Variants in INPP5B observed in about 807,000 individuals in gnomAD.
INPP5B encodes the protein type II inositol 1,4,5-trisphosphate 5-phosphatase.
INPP5B carries 90 observed loss-of-function variants against 118.5 expected under a neutral mutation model. That is an observed-to-expected ratio of 0.76 (90% CI 0.64 to 0.90). The LOEUF (loss-of-function observed/expected upper bound fraction) is 0.90. Ranked by LOEUF, INPP5B falls within the 40% of genes least tolerant of loss-of-function variation. INPP5B has a pLI of 0.00. For missense variants in INPP5B, 984 were observed against 1,125.6 expected, an observed-to-expected ratio of 0.87 and a Z score of 1.80; for synonymous variants, 385 against 418.9, an observed-to-expected ratio of 0.92 and a Z score of 0.99.
chr1:37,874,153 G>A lies in INPP5B; in HGVS notation c.1791C>T (p.Phe597=). Residue 597 remains phenylalanine (F), a splice_region_variant and synonymous_variant, in exon 18 of 24, where the codon TTC becomes TTT. Coordinates refer to ENST00000373024, the MANE Select transcript of INPP5B (RefSeq NM_005540.3). ...GCATGTACTTCACATTCTGAAAACAGAACTGGGAAGAAGCCCGGGGCCAGT... is the reference window on the plus strand; with the variant it reads ...GCATGTACTTCACATTCTGAAAACAAAACTGGGAAGAAGCCCGGGGCCAGT... ...IPSVSLSKRE[F]CFQNVKYMQL... 1.3e-6 allele frequency: 2 copies of A among 1,559,494 alleles called. No homozygotes were observed. Among genetic ancestry groups the A allele is most frequent in the Non-Finnish European group, 1.8e-6 (2 of 1,139,958 alleles).
intron 5 of INPP5B, among the ~76,000 whole-genome samples, chr1:37,943,114 C>A (rs916438478): frequency 5.3e-5 from 8 of 151,928 alleles, no homozygotes; most frequent in African/African-American, 1.9e-4. Context: ...AATTCTCCTG[C>A]CTCAGCCTCT....
Position 37,874,053 on chromosome 1 carries a change from C to G in INPP5B, c.1891G>C (p.Glu631Gln), listed in dbSNP as rs1447972146. 6.2e-7 allele frequency: 1 copy of G among 1,607,756 alleles called. No homozygotes were observed. Among genetic ancestry groups the G allele is most frequent in the Non-Finnish European group, 8.5e-7 (1 of 1,175,276 alleles). The change falls in exon 18 of 24, where the codon GAA becomes CAA. Residue 631 changes from glutamate to glutamine, a missense_variant. Transcript: ENST00000373024. ...CHFEFINKPDEESYCKQWLNA... is the reference protein window; with the variant it reads ...CHFEFINKPDQESYCKQWLNA... ...AGCCACTGCTTACAGTAAGACTCTT[C>G]ATCAGGCTTGTTGATGAATTCAAAA...
intron 9 of INPP5B, among the ~76,000 whole-genome samples, chr1:37,888,636 G>A (rs1454215072): frequency 6.6e-6 from 1 of 152,038 alleles, no homozygotes; most frequent in Admixed American, 6.6e-5. Flanking sequence ...TATTTGCCTT[G>A]TATATACTAC....
chr1:37,880,245 T>C (rs1233848321), intron 14 of INPP5B, 51 bp from the exon 15 acceptor site: 2 of 1,328,180 alleles, frequency 1.5e-6, no homozygotes, highest in Non-Finnish European at 2.2e-6. Context: ...AAGGTCAAAC[T>C]TTGAATTAGT....
At chr1:37,912,344 C>T (rs1644727321) in intron 7 of INPP5B, among the ~76,000 whole-genome samples, 1 of 152,244 alleles carries the variant, frequency 6.6e-6, no homozygotes. Flanking sequence ...TCTCCTCTTC[C>T]TCCTGGAAGT....
chr1:37,941,101 C>T (rs1362653426), intron 5 of INPP5B, among the ~76,000 whole-genome samples: 1 of 152,004 alleles, frequency 6.6e-6, no homozygotes, highest in African/African-American at 2.4e-5. Context: ...CTGTTCCCCT[C>T]CCGATGAAAT....
intron 6 of INPP5B, among the ~76,000 whole-genome samples, chr1:37,937,890 C>T (rs1456753330): frequency 6.6e-6 from 1 of 151,532 alleles, no homozygotes; most frequent in Non-Finnish European, 1.5e-5. Context: ...ATCGCTTGAA[C>T]CCCAGAGGCG....
intron 7 of INPP5B, among the ~76,000 whole-genome samples, chr1:37,903,506 C>G (rs531254139): frequency 1.3e-5 from 2 of 152,318 alleles, no homozygotes; most frequent in African/African-American, 4.8e-5. Context: ...ACGGGTGGAT[C>G]ACCAGGTCAG....
chr1:37,937,085 G>A (rs1419462236), intron 6 of INPP5B, among the ~76,000 whole-genome samples: 1 of 151,908 alleles, frequency 6.6e-6, no homozygotes, highest in East Asian at 1.9e-4. Context: ...GGCCGAAGTG[G>A]GCAGATCACA....
chr1:37,889,416 G>A, intron 9 of INPP5B, 141 bp downstream of exon 9: 1 of 656,322 alleles, frequency 1.5e-6, no homozygotes, highest in Non-Finnish European at 2.6e-6. Context: ...AAGAATGCAT[G>A]GAATCACTCA....
intron 7 of INPP5B, among the ~76,000 whole-genome samples, chr1:37,912,775 T>C (rs1381117323): frequency 6.6e-6 from 1 of 152,074 alleles, no homozygotes; most frequent in Non-Finnish European, 1.5e-5. Flanking sequence ...TTATACTCAC[T>C]CTTATTCTCA....
intron 7 of INPP5B, among the ~76,000 whole-genome samples, chr1:37,902,088 C>T (rs913332386): frequency 2.6e-5 from 4 of 151,674 alleles, no homozygotes; most frequent in Admixed American, 6.6e-5. Context: ...TGAGTTGAAG[C>T]GATTCTCCTG....
chr1:37,874,188 T>C (rs779238887), intron 17 of INPP5B, 33 bp from the exon 18 acceptor site: 41 of 1,491,788 alleles, frequency 2.7e-5, no homozygotes, highest in Non-Finnish European at 3.7e-5. Context: ...TGAAAACCAG[T>C]GCCCTTTCCT....
At chr1:37,941,958 A>AAAAAAAAAATATATATATATATATAT (rs1427344681) in intron 5 of INPP5B, 1 of 30,384 alleles carries the variant, frequency 3.3e-5, no homozygotes, top group Non-Finnish European at 6.6e-5. Context: ...AAAAAAAAAA[A>AAAAAAAAAATATATATATATATATAT]ATATATATAT....
Position 37,878,225 on chromosome 1 carries a change from C to T in INPP5B, c.1640G>A (p.Ser547Asn), listed in dbSNP as rs749767113. 19 of 1,614,032 alleles carry T rather than the reference C, an allele frequency of 1.2e-5. No individual in the cohort carries two copies. Among genetic ancestry groups the T allele is most frequent in the Non-Finnish European group, 8.5e-7 (1 of 1,180,034 alleles). ...CACTGAGCTGACAGGCTTGTGGTCA[C>T]TGGTCTTCAGGGCCATGTGGCTCTG... ...SYQSHMALKT[S>N]DHKPVSSVFD... The change falls in exon 16 of 24, where the codon AGT (serine) becomes AAT (asparagine). Residue 547 changes from serine (S) to asparagine (N), a missense_variant. Physicochemically the swap from Ser to Asn is conservative, Grantham distance 46 (BLOSUM62 1). Around this residue, in one of 2 missense-constraint regions of INPP5B, gnomAD observed 634 missense variants for 791.0 expected, o/e 0.80. Transcript: ENST00000373024.
chr1:37,888,718 A>G (rs1205169990), intron 9 of INPP5B, among the ~76,000 whole-genome samples: 1 of 152,216 alleles, frequency 6.6e-6, no homozygotes, highest in Non-Finnish European at 1.5e-5. Context: ...TCAAAAGGCT[A>G]TTTCTTCACC....
At chr1:37,927,155 C>T (rs905200022) in intron 7 of INPP5B, among the ~76,000 whole-genome samples, 3 of 151,744 alleles carry the variant, frequency 2.0e-5, no homozygotes, top group Non-Finnish European at 2.9e-5. Flanking sequence ...GGTGTGGTGG[C>T]GTGCAGGTGC....
At chr1:37,887,577 C>G in intron 10 of INPP5B, 112 bp from the exon 11 acceptor site, 1 of 625,732 alleles carries the variant, frequency 1.6e-6, no homozygotes, top group East Asian at 2.7e-5. Context: ...CTTCAGGACC[C>G]TCAGGAGGAA....
intron 6 of INPP5B, 27 bp downstream of exon 6, chr1:37,940,661 C>G (rs1570411750): frequency 6.9e-7 from 1 of 1,444,910 alleles, no homozygotes; most frequent in African/African-American, 1.4e-5. Context: ...ACCCACCCAC[C>G]CCCAGGGAGC....
Sources: gnomAD v4.1 joint callset for allele counts (sites outside exome capture counted in the v4.1 genomes callset) on GRCh38, gnomAD v4.1.1 for gene constraint, gnomAD v4.1.1 regional missense constraint, MANE v1.5 for transcripts, NCBI Gene and HGNC (gene_info 2026-07-23, HGNC 2026-07-21) for gene names.